XPNPEP2: variants seen among roughly 807,000 people sequenced by gnomAD.
XPNPEP2 encodes the protein X-prolyl aminopeptidase 2.
Under a neutral mutation model 59.8 loss-of-function variants are expected in XPNPEP2, and 64 were observed. The observed-to-expected ratio is 1.07, with a 90% CI of 0.87 to 1.32. The LOEUF (loss-of-function observed/expected upper bound fraction) is 1.32. Ranked by LOEUF, XPNPEP2 falls within the 40% of genes most tolerant of loss-of-function variation. XPNPEP2 has a pLI of 0.00. For synonymous variants in XPNPEP2, 235 were observed against 210.0 expected (o/e 1.12, Z -1.03); for missense variants, 575 against 546.8 (o/e 1.05, Z -0.51).
At chrX:129,750,659 C>T (rs1783099560) in intron 8 of XPNPEP2, 90 bp downstream of exon 8, 1 of 758,802 alleles carries the variant, frequency 1.3e-6, no homozygotes, top group Admixed American at 3.5e-5. Context: ...CTAGCTCTTC[C>T]CCAAATAACC....
At chrX:129,753,060 C>T in intron 10 of XPNPEP2, 99 bp from the exon 11 acceptor site, 1 of 670,905 alleles carries the variant, frequency 1.5e-6, no homozygotes. Flanking sequence ...GGTCCTCCTG[C>T]CAGTCCTCTG....
intron 3 of XPNPEP2, 130 bp from the exon 4 acceptor site, chrX:129,745,073 G>C: frequency 1.4e-6 from 1 of 716,448 alleles, no homozygotes; most frequent in Admixed American, 2.7e-5. Flanking sequence ...GAGGCACTTG[G>C]TGTGCTTGGG....
chrX:129,742,421 TC>T (rs761210244), intron 2 of XPNPEP2, among the ~76,000 whole-genome samples: 8 of 105,433 alleles, frequency 7.6e-5, no homozygotes, highest in Non-Finnish European at 1.4e-4. Context: ...TCCCATTCAT[TC>T]CCCCAGCAGG....
In XPNPEP2 at chrX:129,751,792, T is replaced by G. The variant is rs1926424040; in HGVS notation, c.787T>G (p.Tyr263Asp). The change falls in exon 9 of 21, where the codon TAT becomes GAT. Residue 263 changes from tyrosine (Y) to aspartate (D), a missense_variant. Coordinates refer to ENST00000371106, the MANE Select transcript of XPNPEP2 (RefSeq NM_003399.6). ...TGACATCCCCTATAACCCCTTCTTCTATTCCTACACGCTGCTCACAGACTC... is the reference window on the plus strand; with the variant it reads ...TGACATCCCCTATAACCCCTTCTTCGATTCCTACACGCTGCTCACAGACTC... ...ASDIPYNPFFYSYTLLTDSSI... is the reference protein window; with the variant it reads ...ASDIPYNPFFDSYTLLTDSSI... The G allele has an allele frequency of 8.3e-7, 1 of 1,209,514 alleles. No homozygotes were observed. Among genetic ancestry groups the G allele is most frequent in the Non-Finnish European group, 1.1e-6 (1 of 894,829 alleles).
chrX:129,747,654 C>T lies in XPNPEP2; in HGVS notation c.538C>T (p.Leu180=), dbSNP rs1926324459. The T allele has an allele frequency of 8.3e-7, 1 of 1,210,648 alleles. No individual in the cohort carries two copies. Among genetic ancestry groups the T allele is most frequent in the African/African-American group, 1.7e-5 (1 of 57,347 alleles). ...DLALQGSNRQ[L]VSITTNLVDL... ...GGCCCTCCAAGGCTCTAACAGACAG[C>T]TGGTGTCCATCACAACCAATCTTGT... Residue 180 remains leucine (L), a synonymous_variant, in exon 7 of 21, where the codon CTG becomes TTG. Transcript: ENST00000371106.
At chrX:129,742,271 C>CTGATTTCCG in intron 2 of XPNPEP2, 90 bp downstream of exon 2, 1 of 487,053 alleles carries the variant, frequency 2.1e-6, no homozygotes, top group East Asian at 4.1e-5. Flanking sequence ...GCAGCACCCC[C>CTGATTTCCG]GCCCTGCTCT....
intron 14 of XPNPEP2, among the ~76,000 whole-genome samples, chrX:129,757,893 GAGAAAGAAAGAAAGAAA>G (rs1379715470): frequency 8.1e-4 from 42 of 51,777 alleles, no homozygotes; most frequent in Admixed American, 2.8e-3. Flanking sequence ...GAGAGAGAGA[GAGAAAGAAAGAAAGAAA>G]GAAAGAAAGA....
chrX:129,740,628 C>CA (rs369336961), intron 1 of XPNPEP2, among the ~76,000 whole-genome samples: 6,849 of 81,755 alleles, frequency 0.084, 712 homozygotes, highest in African/African-American at 0.28. Context: ...GACTCCATCT[C>CA]AAAAAAAAAA....
At chrX:129,749,630 T>C (rs940176996) in intron 7 of XPNPEP2, among the ~76,000 whole-genome samples, 29 of 113,267 alleles carry the variant, frequency 2.6e-4, no homozygotes, top group Non-Finnish European at 4.7e-4. Flanking sequence ...AGGGGTAGAC[T>C]CTTTGAATAT....
Position 129,740,004 on chromosome X carries a change from G to A in XPNPEP2, c.49+742G>A, listed in dbSNP as rs148999794. On this transcript the variant is annotated intron_variant, in intron 1 of 20. Transcript: ENST00000371106. ...ATCAGTCACTCAATGTCCAGTTCCT[G>A]AGCACCTACCCAGTGCCAGGCCTTG... Among the ~76,000 whole-genome samples the A allele has an allele frequency of 3.2e-3, 363 of 112,430 alleles. 4 individuals are homozygous for A. Among genetic ancestry groups the A allele is most frequent in the African/African-American group, 0.01 (310 of 30,988 alleles).
chrX:129,766,399 G>T (rs1171625329), intron 19 of XPNPEP2, among the ~76,000 whole-genome samples: 1 of 111,820 alleles, frequency 8.9e-6, no homozygotes, highest in East Asian at 2.8e-4. Flanking sequence ...TAGAGACGGG[G>T]TTTCACCATG....
chrX:129,754,416 G>A, intron 11 of XPNPEP2, 56 bp from the exon 12 acceptor site: 1 of 1,069,067 alleles, frequency 9.4e-7, no homozygotes, highest in South Asian at 2.2e-5. Flanking sequence ...CTTGGAGCCT[G>A]TGGCTGCAAC....
chrX:129,742,757 C>T (rs1390734209), intron 2 of XPNPEP2, among the ~76,000 whole-genome samples: 1 of 111,322 alleles, frequency 9.0e-6, no homozygotes, highest in African/African-American at 3.3e-5. Flanking sequence ...AAAAAATTAG[C>T]CAGGCATGGT....
chrX:129,754,334 G>T, intron 11 of XPNPEP2, 138 bp from the exon 12 acceptor site: 1 of 506,245 alleles, frequency 2.0e-6, no homozygotes, highest in East Asian at 3.9e-5. Context: ...ACACTAACAA[G>T]AATTCTTTGA....
intron 14 of XPNPEP2, among the ~76,000 whole-genome samples, chrX:129,758,476 G>A (rs897211846): frequency 9.0e-6 from 1 of 111,559 alleles, no homozygotes; most frequent in Non-Finnish European, 1.9e-5. Flanking sequence ...TGATCACAGG[G>A]GCCATCTGTG....
rs749654284 is a variant in XPNPEP2 at position 129,768,794 on chromosome X, A to G, written c.*309A>G. 7.7e-5 allele frequency: 15 copies of G among 195,075 alleles called. No homozygotes were observed. Among genetic ancestry groups the G allele is most frequent in the African/African-American group, 4.2e-4 (14 of 33,366 alleles). The allele number at this position is 195,075 out of a possible 1,213,427, so 16.1% of individuals were successfully genotyped here. A position where few individuals can be genotyped will look rare whatever the true frequency, so the allele number is the denominator to read the frequency against. ...TCTGTGATCTCAGTAGGCCTAACCTATAACCTAGCACAGACTGCTACAGCT... is the reference window on the plus strand; with the variant it reads ...TCTGTGATCTCAGTAGGCCTAACCTGTAACCTAGCACAGACTGCTACAGCT... On this transcript the variant is annotated 3_prime_UTR_variant, in exon 21 of 21. Transcript: ENST00000371106.
At chrX:129,747,496 G>A (rs1048834648) in intron 6 of XPNPEP2, 111 bp from the exon 7 acceptor site, 2 of 1,088,119 alleles carry the variant, frequency 1.8e-6, no homozygotes, top group Middle Eastern at 3.6e-4. Context: ...GCTCCGGGCA[G>A]CTGGGCTGCA....
chrX:129,767,651 G>A lies in XPNPEP2; in HGVS notation c.1789G>A (p.Asp597Asn), dbSNP rs777221543. 3 of 1,211,626 alleles carry A rather than the reference G, an allele frequency of 2.5e-6. No homozygotes were observed. The highest frequency in any genetic ancestry group is 2.2e-6 in the Non-Finnish European group (2 of 895,493). ...TGAAGTGGTATCATTTGTGCCCTAT[G>A]ACCGGAACCTCATCGATGTCAGCCT... Reference protein sequence around the residue: ...TFEVVSFVPYDRNLIDVSLLS... With the variant: ...TFEVVSFVPYNRNLIDVSLLS... The change falls in exon 20 of 21, where the codon GAC becomes AAC. Residue 597 changes from aspartate (D) to asparagine (N), a missense_variant. By Grantham distance (23) the Asp-to-Asn change is conservative. Transcript: ENST00000371106.
At chrX:129,752,480 T>C (rs1355108384) in intron 10 of XPNPEP2, 135 bp downstream of exon 10, 5 of 659,085 alleles carry the variant, frequency 7.6e-6, no homozygotes, top group Non-Finnish European at 9.0e-6. Context: ...GTGAGTTCCC[T>C]TCTTGGCCTA....
Sources: allele counts gnomAD v4.1 joint callset (sites outside exome capture counted in the v4.1 genomes callset), GRCh38; gene constraint gnomAD v4.1.1; transcripts MANE v1.5; gene names NCBI Gene and HGNC (gene_info 2026-07-23, HGNC 2026-07-21).